TREML2: variants seen among roughly 807,000 people sequenced by gnomAD.
The protein encoded by TREML2 is triggering receptor expressed on myeloid cells like 2, also known as trem-like transcript 2 protein.
A neutral mutation model predicts 25.9 loss-of-function variants in TREML2; 24 were observed. The observed-to-expected ratio is 0.93, with a 90% CI of 0.67 to 1.30. TREML2 has a LOEUF of 1.30. Ranked by LOEUF, TREML2 falls within the 50% of genes most tolerant of loss-of-function variation. The probability of loss-of-function intolerance (pLI) is 0.00; values close to 1 mark genes in which losing one functional copy is unlikely to be tolerated. For missense variants in TREML2, 359 were observed against 395.6 expected (o/e 0.91, Z 0.78); for synonymous variants, 139 against 155.2 (o/e 0.90, Z 0.77).
chr6:41,192,529 A>G (rs1166309433), intron 4 of TREML2, 23 bp from the exon 5 acceptor site: 2 of 1,611,022 alleles, frequency 1.2e-6, no homozygotes, highest in African/African-American at 2.7e-5. Flanking sequence ...GGGAGAGCTG[A>G]GGAAGTGTCC....
intron 3 of TREML2, among the ~76,000 whole-genome samples, chr6:41,193,800 A>C (rs1582095965): frequency 1.0e-5 from 1 of 98,684 alleles, no homozygotes; most frequent in Non-Finnish European, 1.9e-5. Flanking sequence ...CCCTAATTCT[A>C]CCAACTCTCA....
chr6:41,197,726 C>T (rs1471765987), intron 2 of TREML2, among the ~76,000 whole-genome samples: 1 of 152,204 alleles, frequency 6.6e-6, no homozygotes, highest in African/African-American at 2.4e-5. Flanking sequence ...TCCCATAGTG[C>T]AGGATTGTGA....
chr6:41,196,044 A>G (rs554377496), intron 2 of TREML2, among the ~76,000 whole-genome samples: 1 of 152,352 alleles, frequency 6.6e-6, no homozygotes, highest in African/African-American at 2.4e-5. Flanking sequence ...CTAGATGACC[A>G]GAGTTTGTAG....
chr6:41,200,499 G>T (rs1365646427), intron 1 of TREML2, among the ~76,000 whole-genome samples: 1 of 152,238 alleles, frequency 6.6e-6, no homozygotes, highest in African/African-American at 2.4e-5. Context: ...TATCTGTGAG[G>T]TGGGAAAGGC....
chr6:41,200,046 G>A (rs1264896126), intron 1 of TREML2, among the ~76,000 whole-genome samples: 3 of 152,208 alleles, frequency 2.0e-5, no homozygotes, highest in Non-Finnish European at 4.4e-5. Context: ...AGCTGTGACA[G>A]TCAAGGGCCC....
chr6:41,194,377 T>C, intron 3 of TREML2, 48 bp downstream of exon 3: 1 of 1,483,728 alleles, frequency 6.7e-7, no homozygotes. Context: ...TCCAGGTCTG[T>C]TTGGGCACTA....
chr6:41,195,247 G>T (rs1766141422), intron 2 of TREML2, among the ~76,000 whole-genome samples: 1 of 152,144 alleles, frequency 6.6e-6, no homozygotes, highest in Non-Finnish European at 1.5e-5. Flanking sequence ...GGACAAGGAG[G>T]CATCAAGGTC....
rs1766026724 is a variant in TREML2 at position 41,190,197 on chromosome 6, TTCTTCCTTTCTCCTCTC to T, written c.*2213_*2229del. ...CACCCTAACTGCCTGCCTGACTGGTTTCTTCCTTTCTCCTCTCTCACTCCTTCTCCAGATGAGGAAAC... is the reference window on the plus strand; with the variant it reads ...CACCCTAACTGCCTGCCTGACTGGTTTCACTCCTTCTCCAGATGAGGAAAC... On this transcript the variant is annotated 3_prime_UTR_variant, in exon 5 of 5. Transcript: ENST00000483722. The T allele has an allele frequency of 6.6e-6, 1 of 151,852 alleles. No individual in the cohort carries two copies. The highest frequency in any genetic ancestry group is 2.4e-5 in the African/African-American group (1 of 41,326). 9.4% of individuals were successfully genotyped at this position (151,852 alleles called of 1,614,324 possible). A position where few individuals can be genotyped will look rare whatever the true frequency, so the allele number is the denominator to read the frequency against.
intron 1 of TREML2, among the ~76,000 whole-genome samples, chr6:41,200,006 G>C (rs1225879237): frequency 1.3e-5 from 2 of 152,122 alleles, no homozygotes; most frequent in Admixed American, 1.3e-4. Flanking sequence ...CCACATGCTG[G>C]GGCCTCCCAG....
In TREML2 at chr6:41,194,855, A is replaced by T. The variant is rs369223607; in HGVS notation, c.377-22T>A. 80 of 1,540,200 alleles carry T rather than the reference A, an allele frequency of 5.2e-5. No individual in the cohort carries two copies. The African/African-American group carries it at 1.0e-3, about 20-fold the overall frequency. ...GGAGCTGAAAGACAGAAAGGGAGGA[A>T]CGTTAGATTGACTTGGGTGCCTCAG... On this transcript the variant is annotated intron_variant, in intron 2 of 4. Transcript: ENST00000483722.
chr6:41,194,614 CTGG>C lies in TREML2; in HGVS notation c.593_595del (p.Thr198del), dbSNP rs1561889177. 1.9e-6 allele frequency: 3 copies of C among 1,614,042 alleles called. No individual in the cohort carries two copies. In the East Asian group the frequency reaches 6.7e-5, roughly 36 times the overall value. ...CCCCATGGTCCTCCTGGGTCCCTGG[CTGG>C]TGGTGCTGGTAGCAGTGAAGCTGTA... On this transcript the variant is annotated inframe_deletion, in exon 3 of 5. Transcript: ENST00000483722.
At chr6:41,198,047 A>G (rs1766201598) in intron 2 of TREML2, 62 bp downstream of exon 2, 3 of 1,427,346 alleles carry the variant, frequency 2.1e-6, no homozygotes, top group African/African-American at 2.9e-5. Flanking sequence ...CTCTGATGTT[A>G]GTGGAGTGTG....
chr6:41,200,923 TC>T (rs768629483), intron 1 of TREML2, 30 bp downstream of exon 1: 14 of 1,508,602 alleles, frequency 9.3e-6, no homozygotes, highest in Middle Eastern at 1.8e-4. Flanking sequence ...ACCCACTCCC[TC>T]CTCCACAAGT....
chr6:41,192,293 G>A lies in TREML2; in HGVS notation c.*134C>T, dbSNP rs1766078642. 1.4e-6 allele frequency: 1 copy of A among 724,476 alleles called. No individual in the cohort carries two copies. Among genetic ancestry groups the A allele is most frequent in the Non-Finnish European group, 2.4e-6 (1 of 419,826 alleles). 44.9% of individuals were successfully genotyped at this position (724,476 alleles called of 1,614,324 possible). ...CTTAGGATGGCAGCCTCTGGGTTTG[G>A]GAAGTCCTGGGTGAGTCCAGCACTG... On this transcript the variant is annotated 3_prime_UTR_variant, in exon 5 of 5. Coordinates refer to ENST00000483722, the MANE Select transcript of TREML2 (RefSeq NM_024807.4).
chr6:41,192,869 AC>A lies in TREML2; in HGVS notation c.817del (p.Val273TrpfsTer3), dbSNP rs761040781. The stretch of plus-strand genomic sequence containing the variant: ...CATCAGCACCAGGAGGGTCAGCACC[AC>A]CCCAAGCACAGTGGAGTAAACATCC... ...HQDVYSTVLG[V>X]VLTLLVLMLI... On this transcript the variant is annotated frameshift_variant, in exon 4 of 5. Coordinates refer to ENST00000483722, the MANE Select transcript of TREML2 (RefSeq NM_024807.4). LOFTEE classifies it high-confidence loss of function. The A allele has an allele frequency of 1.3e-6, 2 of 1,596,076 alleles. No individual in the cohort carries two copies. Among genetic ancestry groups the A allele is most frequent in the African/African-American group, 2.7e-5 (2 of 74,174 alleles).
At chr6:41,200,774 G>A (rs1582100598) in intron 1 of TREML2, among the ~76,000 whole-genome samples, 180 bp downstream of exon 1, 1 of 152,320 alleles carries the variant, frequency 6.6e-6, no homozygotes, top group Admixed American at 6.5e-5. Flanking sequence ...GGAGGCCTGG[G>A]TTAGCTTCGC....
At position 41,194,587 on chromosome 6, in the gene TREML2, G is replaced by C; in HGVS notation, c.623C>G (p.Ser208Cys). ...GCTGGGAGACGCGGTCACTGTCTGG[G>C]ACCCCATGGTCCTCCTGGGTCCCTG... ...TSQGPRRTMG[S>C]QTVTASPSNA... The change falls in exon 3 of 5, where the codon TCC becomes TGC. Residue 208 changes from serine (S) to cysteine (C), a missense_variant. Ser to Cys is a moderately radical substitution (Grantham distance 112). Coordinates refer to ENST00000483722, the MANE Select transcript of TREML2 (RefSeq NM_024807.4). 6.2e-7 allele frequency: 1 copy of C among 1,614,106 alleles called. No homozygotes were observed.
At chr6:41,200,872 G>T in intron 1 of TREML2, 82 bp downstream of exon 1, 1 of 1,240,882 alleles carries the variant, frequency 8.1e-7, no homozygotes, top group Non-Finnish European at 1.1e-6. Flanking sequence ...AAAACTGCTG[G>T]TAAGGAGGGT....
At position 41,192,350 on chromosome 6, in the gene TREML2, T is replaced by C; in HGVS notation, c.*77A>G. 1 of 1,156,452 alleles carries C rather than the reference T, an allele frequency of 8.6e-7. No individual in the cohort carries two copies. Among genetic ancestry groups the C allele is most frequent in the Non-Finnish European group, 1.3e-6 (1 of 777,660 alleles). 71.6% of individuals were successfully genotyped at this position (1,156,452 alleles called of 1,614,324 possible). Reference sequence around the variant, plus strand: ...TCCTCCAGCTTCATAAGATCGATACTGGCCCCAATCTTCACCCCTCCTCTA... The same window carrying C: ...TCCTCCAGCTTCATAAGATCGATACCGGCCCCAATCTTCACCCCTCCTCTA... On this transcript the variant is annotated 3_prime_UTR_variant, in exon 5 of 5. Coordinates refer to ENST00000483722, the MANE Select transcript of TREML2 (RefSeq NM_024807.4).
Sources: allele counts gnomAD v4.1 joint callset (sites outside exome capture counted in the v4.1 genomes callset), GRCh38; gene constraint gnomAD v4.1.1; transcripts MANE v1.5; gene names NCBI Gene and HGNC (gene_info 2026-07-23, HGNC 2026-07-21).